The following BANK1 variants were observed in gnomAD, a reference collection of about 807,000 sequenced individuals.
BANK1 encodes the protein B cell scaffold protein with ankyrin repeats 1.
BANK1 carries 95 observed loss-of-function variants against 94.5 expected under a neutral mutation model. The observed-to-expected ratio is 1.00, with a 90% CI of 0.85 to 1.19. The LOEUF is 1.19. BANK1 is among the 50% of genes most tolerant of loss of function. The probability of loss-of-function intolerance (pLI) is 0.00; values close to 1 mark genes in which losing one functional copy is unlikely to be tolerated. For missense variants in BANK1, 987 were observed against 932.2 expected (o/e 1.06, Z -0.77); for synonymous variants, 334 against 308.4 (o/e 1.08, Z -0.87).
intron 7 of BANK1, among the ~76,000 whole-genome samples, chr4:101,920,751 C>T (rs1034890160): frequency 6.6e-6 from 1 of 151,726 alleles, no homozygotes; most frequent in African/African-American, 2.4e-5. Flanking sequence ...AAACATTGCT[C>T]ATTTTAGAAT....
chr4:102,009,250 A>G (rs1447019982), intron 7 of BANK1, among the ~76,000 whole-genome samples: 1 of 152,214 alleles, frequency 6.6e-6, no homozygotes, highest in Non-Finnish European at 1.5e-5. Context: ...GGAAAGAACT[A>G]TACAACTGGG....
chr4:102,026,041 C>A (rs1348911138), intron 9 of BANK1, among the ~76,000 whole-genome samples: 1 of 152,186 alleles, frequency 6.6e-6, no homozygotes, highest in Non-Finnish European at 1.5e-5. Flanking sequence ...TTGTCGCACA[C>A]TGCACTGACA....
At chr4:101,839,256 C>T (rs1726940955) in intron 2 of BANK1, among the ~76,000 whole-genome samples, 3 of 151,948 alleles carry the variant, frequency 2.0e-5, no homozygotes. Flanking sequence ...TTATAAGTTG[C>T]ATAATAGAAG....
intron 6 of BANK1, among the ~76,000 whole-genome samples, chr4:101,917,714 T>C (rs1174823827): frequency 6.6e-6 from 1 of 151,896 alleles, no homozygotes; most frequent in Non-Finnish European, 1.5e-5. Context: ...TCTTTCTTTT[T>C]TTTTCATTTA....
intron 7 of BANK1, among the ~76,000 whole-genome samples, chr4:101,944,096 G>A (rs983220384): frequency 5.3e-5 from 8 of 151,688 alleles, no homozygotes; most frequent in Admixed American, 4.0e-4. Flanking sequence ...GAAGCAGTGT[G>A]TGAATGTGTG....
chr4:101,987,335 T>C (rs542339310), intron 7 of BANK1, among the ~76,000 whole-genome samples: 209 of 152,252 alleles, frequency 1.4e-3, no homozygotes, highest in African/African-American at 4.7e-3. Flanking sequence ...TGGACATTAA[T>C]ACTATACCCT....
chr4:102,015,343 T>C (rs750574804), intron 7 of BANK1, among the ~76,000 whole-genome samples: 3 of 152,180 alleles, frequency 2.0e-5, no homozygotes, highest in Non-Finnish European at 4.4e-5. Flanking sequence ...ATCAAATTAA[T>C]AGTTTACTTG....
intron 11 of BANK1, among the ~76,000 whole-genome samples, chr4:102,051,676 C>T (rs1247185524): frequency 6.6e-6 from 1 of 152,142 alleles, no homozygotes; most frequent in East Asian, 1.9e-4. Context: ...CCTCCCTTAC[C>T]TCCTGACCCC....
At chr4:101,965,528 C>T (rs748628723) in intron 7 of BANK1, among the ~76,000 whole-genome samples, 11 of 152,020 alleles carry the variant, frequency 7.2e-5, no homozygotes, top group Non-Finnish European at 1.6e-4. Context: ...TTTTATTTCT[C>T]GTAACCTTTT....
chr4:101,911,153 A>T (rs918422964), intron 6 of BANK1, among the ~76,000 whole-genome samples: 1 of 152,168 alleles, frequency 6.6e-6, no homozygotes, highest in African/African-American at 2.4e-5. Context: ...TGGGACTTGG[A>T]TCCAGGCAGC....
chr4:101,982,357 A>G (rs938525554), intron 7 of BANK1, among the ~76,000 whole-genome samples: 2 of 151,996 alleles, frequency 1.3e-5, no homozygotes, highest in African/African-American at 4.8e-5. Context: ...ACATTGGTCA[A>G]TCTTTTTGTA....
chr4:102,010,430 T>A (rs1726470366), intron 7 of BANK1, among the ~76,000 whole-genome samples: 1 of 150,162 alleles, frequency 6.7e-6, no homozygotes, highest in Non-Finnish European at 1.5e-5. Flanking sequence ...TTCACTTTTG[T>A]CAGCCAGGCT....
chr4:102,011,095 T>C (rs1726498357), intron 7 of BANK1, among the ~76,000 whole-genome samples: 1 of 152,232 alleles, frequency 6.6e-6, no homozygotes, highest in Non-Finnish European at 1.5e-5. Flanking sequence ...TATCTTACTA[T>C]GAAATCATCC....
intron 1 of BANK1, among the ~76,000 whole-genome samples, chr4:101,799,332 G>C (rs1052169864): frequency 1.3e-5 from 2 of 152,000 alleles, no homozygotes; most frequent in African/African-American, 4.8e-5. Context: ...TCTCTGTTTT[G>C]GTACCAGTAC....
intron 7 of BANK1, among the ~76,000 whole-genome samples, chr4:101,938,184 C>T (rs1723635906): frequency 6.6e-6 from 1 of 151,478 alleles, no homozygotes; most frequent in Non-Finnish European, 1.5e-5. Flanking sequence ...ACGTGTATAC[C>T]TATGTAACAA....
At chr4:101,854,638 G>A (rs1727613354) in intron 2 of BANK1, among the ~76,000 whole-genome samples, 1 of 151,592 alleles carries the variant, frequency 6.6e-6, no homozygotes, top group African/African-American at 2.4e-5. Context: ...TATGTAAGGG[G>A]CAAATAACTA....
chr4:101,938,922 C>T (rs1289715741), intron 7 of BANK1, among the ~76,000 whole-genome samples: 3 of 151,706 alleles, frequency 2.0e-5, no homozygotes, highest in African/African-American at 7.3e-5. Flanking sequence ...GTCTAAGTTG[C>T]AAAAGCTGTG....
At chr4:101,855,699 A>C (rs1448136110) in intron 3 of BANK1, among the ~76,000 whole-genome samples, 1 of 152,228 alleles carries the variant, frequency 6.6e-6, no homozygotes, top group African/African-American at 2.4e-5. Flanking sequence ...ATTTTCCTAA[A>C]GGGAAACATA....
chr4:102,054,287 G>GT (rs1451504258), intron 11 of BANK1, among the ~76,000 whole-genome samples: 3 of 152,036 alleles, frequency 2.0e-5, no homozygotes, highest in African/African-American at 7.2e-5. Flanking sequence ...TACTATTCAC[G>GT]TAATCGTATT....
Sources: allele counts gnomAD v4.1 joint callset (sites outside exome capture counted in the v4.1 genomes callset), GRCh38; gene constraint gnomAD v4.1.1; transcripts MANE v1.5; gene names NCBI Gene and HGNC (gene_info 2026-07-23, HGNC 2026-07-21).